The following C18orf63 variants were observed in gnomAD, a reference collection of about 807,000 sequenced individuals.
C18orf63 encodes the protein uncharacterized protein C18orf63.
A neutral mutation model predicts 75.3 loss-of-function variants in C18orf63; 50 were observed. The observed-to-expected ratio is 0.66, with a 90% CI of 0.53 to 0.84. The LOEUF is 0.84. Ranked by LOEUF, C18orf63 falls within the 40% of genes least tolerant of loss-of-function variation. The probability of loss-of-function intolerance (pLI) is 0.00; values close to 1 mark genes in which losing one functional copy is unlikely to be tolerated. For synonymous variants in C18orf63, 232 were observed against 267.6 expected (o/e 0.87, Z 1.30); for missense variants, 732 against 800.2 (o/e 0.91, Z 1.03).
At chr18:74,321,946 C>T (rs540494395) in intron 3 of C18orf63, among the ~76,000 whole-genome samples, 2 of 152,202 alleles carry the variant, frequency 1.3e-5, no homozygotes, top group South Asian at 2.1e-4. Flanking sequence ...CATGTCAGTA[C>T]ACATATCTTC....
At chr18:74,354,604 G>A in intron 13 of C18orf63, 58 bp downstream of exon 13, 1 of 824,426 alleles carries the variant, frequency 1.2e-6, no homozygotes, top group South Asian at 1.9e-5. Context: ...GGATTGCCAA[G>A]TTTAGGGGTC....
intron 8 of C18orf63, 87 bp from the exon 9 acceptor site, chr18:74,341,945 T>A: frequency 1.5e-6 from 1 of 679,022 alleles, no homozygotes; most frequent in South Asian, 2.1e-5. Context: ...TGTTGAATCT[T>A]TTTTGAACAC....
At chr18:74,338,879 T>A in intron 8 of C18orf63, 55 bp downstream of exon 8, 1 of 684,704 alleles carries the variant, frequency 1.5e-6, no homozygotes, top group South Asian at 4.0e-5. Context: ...TGGTTTCCCT[T>A]ATTTTGCTTT....
At position 74,357,058 on chromosome 18, in the gene C18orf63, T is replaced by C. The variant is rs1462657867; in HGVS notation, c.*611T>C. 6.6e-6 allele frequency: 1 copy of C among 152,236 alleles called. No individual in the cohort carries two copies. The highest frequency in any genetic ancestry group is 1.5e-5 in the Non-Finnish European group (1 of 68,042). 9.4% of individuals were successfully genotyped at this position (152,236 alleles called of 1,614,324 possible). ...TATATTACATTTTGGGGATCTCTACTATATCTCTGCAGGCTCACTAAATTT... is the reference window on the plus strand; with the variant it reads ...TATATTACATTTTGGGGATCTCTACCATATCTCTGCAGGCTCACTAAATTT... On this transcript the variant is annotated 3_prime_UTR_variant, in exon 14 of 14. Coordinates refer to ENST00000579455, the MANE Select transcript of C18orf63 (RefSeq NM_001174123.2).
chr18:74,327,774 A>G (rs1984233415), intron 4 of C18orf63, among the ~76,000 whole-genome samples, 173 bp from the exon 5 acceptor site: 1 of 152,198 alleles, frequency 6.6e-6, no homozygotes, highest in Admixed American at 6.5e-5. Context: ...ATATTTTAAC[A>G]CTTCTTTAAC....
At chr18:74,329,127 G>A (rs1342281275) in intron 6 of C18orf63, 91 bp downstream of exon 6, 2 of 839,046 alleles carry the variant, frequency 2.4e-6, no homozygotes, top group Non-Finnish European at 1.9e-6. Flanking sequence ...AGTGGCTCAC[G>A]CCTGTAATCC....
chr18:74,341,701 A>G (rs1984490271), intron 8 of C18orf63, among the ~76,000 whole-genome samples: 1 of 151,982 alleles, frequency 6.6e-6, no homozygotes, highest in Non-Finnish European at 1.5e-5. Context: ...AATAAATAAT[A>G]GCACTAAGAG....
chr18:74,318,201 T>G (rs537695052), intron 2 of C18orf63, among the ~76,000 whole-genome samples: 1 of 152,338 alleles, frequency 6.6e-6, no homozygotes, highest in African/African-American at 2.4e-5. Flanking sequence ...AATAGAATTA[T>G]CTCACTGTTG....
At chr18:74,347,872 T>A (rs1210602464) in intron 11 of C18orf63, among the ~76,000 whole-genome samples, 7 of 152,300 alleles carry the variant, frequency 4.6e-5, no homozygotes, top group African/African-American at 1.7e-4. Context: ...CTCATCTAGT[T>A]TCCCCTTGAC....
chr18:74,320,705 T>C, intron 3 of C18orf63, 114 bp downstream of exon 3: 2 of 614,448 alleles, frequency 3.3e-6, no homozygotes, highest in Non-Finnish European at 5.4e-6. Context: ...AATTGATTAA[T>C]CACAATGTGT....
intron 11 of C18orf63, among the ~76,000 whole-genome samples, chr18:74,351,240 A>G (rs927362979): frequency 6.6e-6 from 1 of 152,146 alleles, no homozygotes; most frequent in African/African-American, 2.4e-5. Flanking sequence ...GTCCTCTATA[A>G]TGACTTTCTA....
In C18orf63 at chr18:74,319,442, T is replaced by C. The variant is rs186073327; in HGVS notation, c.135-1071T>C. Among the ~76,000 whole-genome samples, 668 of 152,298 alleles carry C rather than the reference T, an allele frequency of 4.4e-3. 6 individuals are homozygous for C. The highest frequency in any genetic ancestry group is 0.015 in the African/African-American group (640 of 41,552). Reference sequence around the variant, plus strand: ...TACACATCCTAATGGTTATTTTAATTTGTTTCTTTGATGATTAGTAATGTT... The same window carrying C: ...TACACATCCTAATGGTTATTTTAATCTGTTTCTTTGATGATTAGTAATGTT... On this transcript the variant is annotated intron_variant, in intron 2 of 13. Coordinates refer to ENST00000579455, the MANE Select transcript of C18orf63 (RefSeq NM_001174123.2).
rs1984812600 is a variant in C18orf63 at position 74,358,693 on chromosome 18, TTA to T, written c.*2248_*2249del. On this transcript the variant is annotated 3_prime_UTR_variant, in exon 14 of 14. Transcript: ENST00000579455. ...ATTTTAAAACCATAAGAAAATAATT[TTA>T]TGTTTGCCTATGTCCAGGAGCTGAA... 2.6e-5 allele frequency: 4 copies of T among 152,154 alleles called. No homozygotes were observed. In the South Asian group the frequency reaches 8.3e-4, roughly 31 times the overall value. 9.4% of individuals were successfully genotyped at this position (152,154 alleles called of 1,614,324 possible).
rs1452349834 is a variant in C18orf63 at position 74,338,781 on chromosome 18, G to A, written c.568G>A (p.Glu190Lys). The change falls in exon 8 of 14, where the codon GAG becomes AAG. Residue 190 changes from glutamate to lysine, a missense_variant. Glu to Lys is a moderately conservative substitution (Grantham distance 56). Around this residue, in one of 3 missense-constraint regions of C18orf63, gnomAD observed 233 missense variants for 272.7 expected, o/e 0.85. Coordinates refer to ENST00000579455, the MANE Select transcript of C18orf63 (RefSeq NM_001174123.2). ...DFHANKHAVI[E>K]RHSILSNWCY... is the part of the protein sequence containing the mutation. ...TCATGCTAACAAGCATGCTGTCATTGAGAGACATTCCATTTTAAGCAACTG... is the reference window on the plus strand; with the variant it reads ...TCATGCTAACAAGCATGCTGTCATTAAGAGACATTCCATTTTAAGCAACTG... 1 of 1,421,538 alleles carries A rather than the reference G, an allele frequency of 7.0e-7. No individual in the cohort carries two copies. The highest frequency in any genetic ancestry group is 2.2e-5 in the Admixed American group (1 of 45,236). The allele number at this position is 1,421,538 out of a possible 1,614,324, so 88.1% of individuals were successfully genotyped here. A position where few individuals can be genotyped will look rare whatever the true frequency, so the allele number is the denominator to read the frequency against.
At chr18:74,352,596 T>C (rs1320140653) in intron 11 of C18orf63, among the ~76,000 whole-genome samples, 1 of 152,150 alleles carries the variant, frequency 6.6e-6, no homozygotes, top group Non-Finnish European at 1.5e-5. Context: ...TTCCCTGTAG[T>C]CAAAATCCCA....
At chr18:74,354,678 A>G in intron 13 of C18orf63, 132 bp downstream of exon 13, 1 of 582,334 alleles carries the variant, frequency 1.7e-6, no homozygotes, top group Non-Finnish European at 3.0e-6. Flanking sequence ...CAGCAAAGAA[A>G]TAGGACATGG....
Position 74,354,175 on chromosome 18 carries a change from TA to T in C18orf63, c.1912del (p.Arg638GlufsTer53), listed in dbSNP as rs757037219. On this transcript the variant is annotated frameshift_variant, in exon 12 of 14. Coordinates refer to ENST00000579455, the MANE Select transcript of C18orf63 (RefSeq NM_001174123.2). LOFTEE classifies it high-confidence loss of function. Reference sequence around the variant, plus strand: ...TAGTAAGCAAAATAGCCCACAGGTCTAAAAGAAAATTATGTCCAGAGTCTTC... The same window carrying T: ...TAGTAAGCAAAATAGCCCACAGGTCTAAAGAAAATTATGTCCAGAGTCTTC... ...LIVSKIAHRS[K>X]RKLCPESSKT... 44 of 1,536,172 alleles carry T rather than the reference TA, an allele frequency of 2.9e-5. No individual in the cohort carries two copies. The highest frequency in any genetic ancestry group is 3.8e-5 in the Non-Finnish European group (44 of 1,146,934).
intron 7 of C18orf63, among the ~76,000 whole-genome samples, chr18:74,335,572 T>C (rs1417181066): frequency 6.6e-6 from 1 of 152,154 alleles, no homozygotes; most frequent in Non-Finnish European, 1.5e-5. Context: ...GAGATTATAA[T>C]TGAATCCACA....
chr18:74,329,732 G>A (rs1984271858), intron 6 of C18orf63, among the ~76,000 whole-genome samples: 1 of 151,968 alleles, frequency 6.6e-6, no homozygotes, highest in African/African-American at 2.4e-5. Context: ...TTAAAAAATT[G>A]GAAAAAGAGA....
Sources: gnomAD v4.1 joint callset for allele counts (sites outside exome capture counted in the v4.1 genomes callset) on GRCh38, gnomAD v4.1.1 for gene constraint, gnomAD v4.1.1 regional missense constraint, MANE v1.5 for transcripts, NCBI Gene and HGNC (gene_info 2026-07-23, HGNC 2026-07-21) for gene names.